FBXO28: variants seen among roughly 807,000 people sequenced by gnomAD.
The protein encoded by FBXO28 is F-box protein 28.
A neutral mutation model predicts 38.1 loss-of-function variants in FBXO28; 8 were observed. The observed-to-expected ratio is 0.21, with a 90% CI of 0.12 to 0.38. The LOEUF is 0.38. FBXO28 is among the 10% of genes least tolerant of loss of function. The probability of loss-of-function intolerance (pLI) is 1.00; values close to 1 mark genes in which losing one functional copy is unlikely to be tolerated. For synonymous variants in FBXO28, 168 were observed against 173.8 expected (o/e 0.97, Z 0.26); for missense variants, 345 against 460.6 (o/e 0.75, Z 2.30).
chr1:224,127,571 T>C (rs1032158405), intron 1 of FBXO28, among the ~76,000 whole-genome samples: 13 of 152,206 alleles, frequency 8.5e-5, no homozygotes, highest in African/African-American at 2.7e-4. Context: ...GAACAAATAC[T>C]GATAACTGGT....
intron 3 of FBXO28, among the ~76,000 whole-genome samples, chr1:224,136,455 A>G (rs919562737): frequency 1.8e-4 from 27 of 151,792 alleles, no homozygotes; most frequent in African/African-American, 4.8e-4. Flanking sequence ...CGGGCGCGGT[A>G]GCTCACACCT....
At chr1:224,148,535 G>A (rs983831935) in intron 3 of FBXO28, among the ~76,000 whole-genome samples, 9 of 151,930 alleles carry the variant, frequency 5.9e-5, no homozygotes, top group Non-Finnish European at 1.2e-4. Flanking sequence ...GGTGGCGGGT[G>A]CCTGTAGTCC....
At chr1:224,121,812 G>A (rs1198976714) in intron 1 of FBXO28, among the ~76,000 whole-genome samples, 2 of 151,914 alleles carry the variant, frequency 1.3e-5, no homozygotes, top group Admixed American at 1.3e-4. Flanking sequence ...CGCTCGCTCT[G>A]TCGCCCAGGC....
At chr1:224,123,442 C>CAAAAA (rs10647785) in intron 1 of FBXO28, among the ~76,000 whole-genome samples, 16 of 64,224 alleles carry the variant, frequency 2.5e-4, no homozygotes, top group East Asian at 5.0e-4. Context: ...GACCCTGTCT[C>CAAAAA]AAAAAAAAAA....
intron 3 of FBXO28, among the ~76,000 whole-genome samples, chr1:224,145,075 C>T (rs1317869726): frequency 5.3e-5 from 8 of 150,878 alleles, no homozygotes; most frequent in Non-Finnish European, 8.9e-5. Context: ...TGAGGTCAGG[C>T]GTTCAAGACC....
rs138126701 is a variant in FBXO28 at position 224,143,467 on chromosome 1, G to C, written c.516+9255G>C. 9.2e-5 allele frequency among the ~76,000 whole-genome samples: 14 copies of C among 152,244 alleles called. No individual in the cohort carries two copies. In the East Asian group the frequency reaches 2.3e-3, roughly 25 times the overall value. On this transcript the variant is annotated intron_variant, in intron 3 of 4. Coordinates refer to ENST00000366862, the MANE Select transcript of FBXO28 (RefSeq NM_015176.4). ...TGGCCAGGGTGGATAACGACCTGGTGCCCTGAGCTGCTAGGATGGGCTCCA... is the reference window on the plus strand; with the variant it reads ...TGGCCAGGGTGGATAACGACCTGGTCCCCTGAGCTGCTAGGATGGGCTCCA...
At chr1:224,143,410 G>A (rs944508906) in intron 3 of FBXO28, among the ~76,000 whole-genome samples, 2 of 152,122 alleles carry the variant, frequency 1.3e-5, no homozygotes, top group African/African-American at 4.8e-5. Context: ...GTGAGTGTGG[G>A]TGTGAGGGTG....
intron 1 of FBXO28, among the ~76,000 whole-genome samples, chr1:224,119,827 G>A (rs1360043731): frequency 6.6e-6 from 1 of 152,156 alleles, no homozygotes; most frequent in African/African-American, 2.4e-5. Flanking sequence ...ATGACTTAGA[G>A]GGATTCAGAT....
chr1:224,121,658 T>C lies in FBXO28; in HGVS notation c.267+7262T>C, dbSNP rs73124426. ...ACGTGAGCCACCACACTTGGGCAAA[T>C]AGAACTTTTTTTTTTTCTTTGAGAC... On this transcript the variant is annotated intron_variant, in intron 1 of 4. Coordinates refer to ENST00000366862, the MANE Select transcript of FBXO28 (RefSeq NM_015176.4). Among the ~76,000 whole-genome samples, 1,056 of 151,832 alleles carry C rather than the reference T, an allele frequency of 7.0e-3. 13 individuals carry two copies. The highest frequency in any genetic ancestry group is 0.024 in the African/African-American group (998 of 41,346).
rs942266026 is a variant in FBXO28, at chr1:224,160,859, A to G, written c.*3113A>G. 2.0e-5 allele frequency: 3 copies of G among 152,224 alleles called. No homozygotes were observed. Among genetic ancestry groups the G allele is most frequent in the Non-Finnish European group, 4.4e-5 (3 of 68,042 alleles). The allele number at this position is 152,224 out of a possible 1,614,324, so 9.4% of individuals were successfully genotyped here. On this transcript the variant is annotated 3_prime_UTR_variant, in exon 5 of 5. Transcript: ENST00000366862. ...GTTAAAATATTCTATGTAGCCCCAA[A>G]GGTGGGTAAAACAGTATAAGTAATG... is the stretch of plus-strand genomic sequence containing the variant.
chr1:224,149,862 C>CG (rs1402420675), intron 3 of FBXO28, among the ~76,000 whole-genome samples: 3 of 152,102 alleles, frequency 2.0e-5, no homozygotes, highest in Non-Finnish European at 2.9e-5. Context: ...TCGTGTATAA[C>CG]TAAGGAATTT....
rs1474741644 is a variant in FBXO28 at position 224,158,952 on chromosome 1, A to G, written c.*1206A>G. 2 of 152,506 alleles carry G rather than the reference A, an allele frequency of 1.3e-5. No individual in the cohort carries two copies. Among genetic ancestry groups the G allele is most frequent in the African/African-American group, 4.8e-5 (2 of 41,412 alleles). 9.4% of individuals were successfully genotyped at this position (152,506 alleles called of 1,614,324 possible). A position where few individuals can be genotyped will look rare whatever the true frequency, so the allele number is the denominator to read the frequency against. ...AAACAAAAGCTTTAATTTTGTTTGC[A>G]CTCCTATTTTGAGCTTGTAACTGGA... On this transcript the variant is annotated 3_prime_UTR_variant, in exon 5 of 5. Coordinates refer to ENST00000366862, the MANE Select transcript of FBXO28 (RefSeq NM_015176.4).
Position 224,153,150 on chromosome 1 carries a change from TG to T in FBXO28, c.526del (p.Glu176ArgfsTer6). On this transcript the variant is annotated frameshift_variant, in exon 4 of 5. Transcript: ENST00000366862. LOFTEE classifies it high-confidence loss of function. ...CCFIPGKVIDEIYRVLRYVNS... is the reference protein window; with the variant it reads ...CCFIPGKVIDXIYRVLRYVNS... ...AGAATTCATTATTTTAGGTGATTGA[TG>T]AGATTTATCGTGTGTTGAGATATGT... 1 of 1,582,154 alleles carries T rather than the reference TG, an allele frequency of 6.3e-7. No homozygotes were observed. Among genetic ancestry groups the T allele is most frequent in the Non-Finnish European group, 8.6e-7 (1 of 1,168,058 alleles).
At chr1:224,146,702 A>C (rs1304604329) in intron 3 of FBXO28, among the ~76,000 whole-genome samples, 1 of 110,322 alleles carries the variant, frequency 9.1e-6, no homozygotes. Flanking sequence ...TAAAACTAAA[A>C]TTTTTTTTTT....
chr1:224,138,787 G>A (rs1267733157), intron 3 of FBXO28, among the ~76,000 whole-genome samples: 1 of 150,664 alleles, frequency 6.6e-6, no homozygotes, highest in African/African-American at 2.5e-5. Context: ...CACCATGTTG[G>A]CCAGGCTGTC....
chr1:224,148,072 A>G (rs909174592), intron 3 of FBXO28, among the ~76,000 whole-genome samples: 1 of 152,216 alleles, frequency 6.6e-6, no homozygotes, highest in African/African-American at 2.4e-5. Context: ...CCATTTGACT[A>G]AAATAATCTC....
chr1:224,142,317 A>C (rs1347332474), intron 3 of FBXO28, among the ~76,000 whole-genome samples: 1 of 148,978 alleles, frequency 6.7e-6, no homozygotes, highest in Non-Finnish European at 1.5e-5. Flanking sequence ...ATGCCATTGC[A>C]TTCCAGCTTG....
intron 3 of FBXO28, 71 bp from the exon 4 acceptor site, chr1:224,153,071 T>C: frequency 7.9e-7 from 1 of 1,260,404 alleles, no homozygotes; most frequent in East Asian, 2.4e-5. Flanking sequence ...CAGTTACTTC[T>C]CTGCCTGTTT....
intron 1 of FBXO28, among the ~76,000 whole-genome samples, chr1:224,119,012 A>G (rs942090514): frequency 2.0e-5 from 3 of 152,174 alleles, no homozygotes; most frequent in African/African-American, 7.2e-5. Flanking sequence ...TGGCCTTGCA[A>G]ACCTCCTGAA....
Sources: gnomAD v4.1 joint callset for allele counts (sites outside exome capture counted in the v4.1 genomes callset) on GRCh38, gnomAD v4.1.1 for gene constraint, MANE v1.5 for transcripts, NCBI Gene and HGNC (gene_info 2026-07-23, HGNC 2026-07-21) for gene names.